The following ENTPD1 variants were observed in gnomAD, a reference collection of about 807,000 sequenced individuals.
The protein encoded by ENTPD1 is ATP diphosphohydrolase.
A neutral mutation model predicts 57.0 loss-of-function variants in ENTPD1; 33 were observed. That is an observed-to-expected ratio of 0.58 (90% CI 0.44 to 0.77). ENTPD1 has a LOEUF of 0.77. ENTPD1 is among the 30% of genes least tolerant of loss of function. The pLI is 0.00. For synonymous variants in ENTPD1, 202 were observed against 218.8 expected, an observed-to-expected ratio of 0.92 and a Z score of 0.68; for missense variants, 501 against 603.4, an observed-to-expected ratio of 0.83 and a Z score of 1.78.
At chr10:95,855,064 G>A (rs1176469345) in intron 7 of ENTPD1, among the ~76,000 whole-genome samples, 1 of 152,106 alleles carries the variant, frequency 6.6e-6, no homozygotes, top group Non-Finnish European at 1.5e-5. Flanking sequence ...ATTATTGTGT[G>A]GGAGTCTAAG....
chr10:95,772,483 A>G (rs376577631), intron 1 of ENTPD1, among the ~76,000 whole-genome samples: 3 of 152,228 alleles, frequency 2.0e-5, no homozygotes, highest in East Asian at 1.9e-4. Flanking sequence ...CATCTCAAGA[A>G]ACCACTTTCT....
intron 1 of ENTPD1, among the ~76,000 whole-genome samples, chr10:95,803,328 T>C (rs977722405): frequency 1.3e-5 from 2 of 152,226 alleles, no homozygotes; most frequent in African/African-American, 2.4e-5. Context: ...CCACCAACAG[T>C]GTAAAAGCAT....
chr10:95,842,392 A>G lies in ENTPD1; in HGVS notation c.311A>G (p.Tyr104Cys). The G allele has an allele frequency of 1.2e-6, 2 of 1,614,160 alleles. No individual in the cohort carries two copies. Among genetic ancestry groups the G allele is most frequent in the South Asian group, 1.1e-5 (1 of 91,086 alleles). ...CAGAAAGTAAATGAAATAGGCATTT[A>G]CCTGACTGATTGCATGGAAAGAGCT... ...FVQKVNEIGI[Y>C]LTDCMERARE... Residue 104 changes from tyrosine (Y) to cysteine (C), a missense_variant, in exon 4 of 10, where the codon TAC becomes TGC. Coordinates refer to ENST00000371205, the MANE Select transcript of ENTPD1 (RefSeq NM_001776.6).
At chr10:95,830,891 T>C (rs553525924) in intron 2 of ENTPD1, among the ~76,000 whole-genome samples, 2 of 152,208 alleles carry the variant, frequency 1.3e-5, no homozygotes, top group Non-Finnish European at 2.9e-5. Flanking sequence ...GACCACTGCT[T>C]TGAAGGGTTT....
upstream of ENTPD1, among the ~76,000 whole-genome samples, chr10:95,751,274 G>A (rs891027978): frequency 2.6e-5 from 4 of 152,224 alleles, no homozygotes; most frequent in African/African-American, 9.7e-5. Context: ...TATGGCAGAA[G>A]TGACGAGAAT....
chr10:95,712,920 A>G (rs966886561), intron 1 of ENTPD1, among the ~76,000 whole-genome samples: 4 of 152,062 alleles, frequency 2.6e-5, no homozygotes, highest in South Asian at 2.1e-4. Flanking sequence ...TGTAGTCCCA[A>G]CTACTCGGGA....
intron 1 of ENTPD1, among the ~76,000 whole-genome samples, chr10:95,736,763 G>A (rs544652893): frequency 2.2e-4 from 33 of 152,204 alleles, no homozygotes; most frequent in African/African-American, 7.5e-4. Context: ...GGCCATAAGT[G>A]CCTTTGAATT....
At chr10:95,812,141 A>G (rs1410242964) in intron 1 of ENTPD1, among the ~76,000 whole-genome samples, 5 of 142,920 alleles carry the variant, frequency 3.5e-5, no homozygotes, top group Admixed American at 7.5e-5. Context: ...GTAAAGTTCT[A>G]TGAATTTTGA....
intron 7 of ENTPD1, among the ~76,000 whole-genome samples, chr10:95,852,247 C>T (rs1377651303): frequency 6.6e-6 from 1 of 152,188 alleles, no homozygotes; most frequent in Admixed American, 6.5e-5. Flanking sequence ...AGTGTCTATT[C>T]AGGTCCTTCG....
intron 1 of ENTPD1, among the ~76,000 whole-genome samples, chr10:95,764,368 G>T (rs138426175): frequency 2.6e-5 from 4 of 152,284 alleles, no homozygotes; most frequent in African/African-American, 9.6e-5. Flanking sequence ...ACAAGTGTTG[G>T]TGTGGACTTG....
intron 1 of ENTPD1, among the ~76,000 whole-genome samples, chr10:95,761,520 A>C (rs1589710688): frequency 6.6e-6 from 1 of 151,126 alleles, no homozygotes; most frequent in South Asian, 2.1e-4. Context: ...CCCACCCTCT[A>C]CTCCCTCACC....
At chr10:95,741,886 G>T (rs2098000705) in intron 1 of ENTPD1, among the ~76,000 whole-genome samples, 1 of 152,118 alleles carries the variant, frequency 6.6e-6, no homozygotes. Flanking sequence ...TTCAGACTTT[G>T]CTGCCCCCAG....
intron 7 of ENTPD1, among the ~76,000 whole-genome samples, chr10:95,856,057 G>A (rs1219208904): frequency 1.3e-5 from 2 of 152,128 alleles, no homozygotes; most frequent in African/African-American, 4.8e-5. Context: ...CATTCTCCCC[G>A]TCACTTTCAG....
chr10:95,861,539 TTG>T (rs2098465328), intron 8 of ENTPD1: 1 of 152,222 alleles, frequency 6.6e-6, no homozygotes, highest in African/African-American at 2.4e-5. Context: ...GCCTGGAAGC[TTG>T]CCATTCTCTC....
At chr10:95,811,366 TCCTATGTAC>T (rs2098306478) in intron 1 of ENTPD1, among the ~76,000 whole-genome samples, 1 of 152,138 alleles carries the variant, frequency 6.6e-6, no homozygotes, top group Admixed American at 6.5e-5. Context: ...GCGCACAACT[TCCTATGTAC>T]CCAATGTTCA....
At chr10:95,768,048 G>C (rs189834191) in intron 1 of ENTPD1, among the ~76,000 whole-genome samples, 2 of 152,360 alleles carry the variant, frequency 1.3e-5, no homozygotes, top group Admixed American at 1.3e-4. Context: ...CTTGCCAGAT[G>C]CTGGCCCCTT....
At chr10:95,785,924 G>C (rs555929546) in intron 1 of ENTPD1, among the ~76,000 whole-genome samples, 18 of 152,302 alleles carry the variant, frequency 1.2e-4, no homozygotes, top group African/African-American at 2.9e-4. Context: ...ATAACAAATG[G>C]GGAAGAGGAT....
At position 95,791,302 on chromosome 10, in the gene ENTPD1, G is replaced by A. The variant is rs1419982945; in HGVS notation, c.17-31935G>A. 3.3e-5 allele frequency among the ~76,000 whole-genome samples: 5 copies of A among 152,178 alleles called. No homozygotes were observed. Among genetic ancestry groups the A allele is most frequent in the African/African-American group, 9.6e-5 (4 of 41,460 alleles). On this transcript the variant is annotated intron_variant, in intron 1 of 9. Transcript: ENST00000371205. The surrounding 1 kb of genome is among the most constrained non-coding windows in gnomAD (Gnocchi z 4.1). Reference sequence around the variant, plus strand: ...GACATTACAAACTGAAGGGCATCTAGTGGAGGGTAATTAGGGTGACATAAA... The same window carrying A: ...GACATTACAAACTGAAGGGCATCTAATGGAGGGTAATTAGGGTGACATAAA...
At chr10:95,713,730 A>G (rs963953538) in intron 1 of ENTPD1, among the ~76,000 whole-genome samples, 2 of 152,252 alleles carry the variant, frequency 1.3e-5, no homozygotes, top group African/African-American at 4.8e-5. Context: ...TTGATGGACA[A>G]ATGTCCACAA....
Sources: allele counts gnomAD v4.1 joint callset (sites outside exome capture counted in the v4.1 genomes callset), GRCh38; gene constraint gnomAD v4.1.1; non-coding constraint Gnocchi (gnomAD v3.1); transcripts MANE v1.5; gene names NCBI Gene and HGNC (gene_info 2026-07-23, HGNC 2026-07-21).